Variants in TATDN2 observed in about 807,000 individuals in gnomAD.
The protein encoded by TATDN2 is 3'-5' RNA nuclease TATDN2.
Under a neutral mutation model 60.3 loss-of-function variants are expected in TATDN2, and 44 were observed. That is an observed-to-expected ratio of 0.73 (90% CI 0.57 to 0.94). The LOEUF (loss-of-function observed/expected upper bound fraction) is 0.94, where lower values mean the gene tolerates loss of function less well. Ranked by LOEUF, TATDN2 falls within the 40% of genes least tolerant of loss-of-function variation. The pLI is 0.00. For missense variants in TATDN2, 997 were observed against 948.0 expected (o/e 1.05, Z -0.68); for synonymous variants, 399 against 355.8 (o/e 1.12, Z -1.37).
chr3:10,273,526 G>A (rs1698595622), intron 4 of TATDN2, among the ~76,000 whole-genome samples: 1 of 152,064 alleles, frequency 6.6e-6, no homozygotes, highest in Non-Finnish European at 1.5e-5. Flanking sequence ...GGAGTCTGAG[G>A]CAGGAGATTG....
chr3:10,273,690 C>T (rs988760895), intron 4 of TATDN2, among the ~76,000 whole-genome samples: 1 of 151,722 alleles, frequency 6.6e-6, no homozygotes, highest in Middle Eastern at 3.4e-3. Context: ...GGTTGATGTA[C>T]CTAAAATTTT....
chr3:10,277,578 G>T (rs242729), intron 5 of TATDN2, among the ~76,000 whole-genome samples: 38,219 of 152,106 alleles, frequency 0.25, 5,115 homozygotes, highest in African/African-American at 0.32. Context: ...AGGAGGATGG[G>T]GCTGTCAGGG....
At chr3:10,249,753 C>A in intron 2 of TATDN2, 139 bp downstream of exon 2, 5 of 1,039,284 alleles carry the variant, frequency 4.8e-6, no homozygotes, top group Non-Finnish European at 6.4e-6. Flanking sequence ...AAGTCCACTC[C>A]CCCCAAACTC....
At chr3:10,264,876 A>G (rs1026669026) in intron 3 of TATDN2, among the ~76,000 whole-genome samples, 3 of 151,680 alleles carry the variant, frequency 2.0e-5, no homozygotes, top group Non-Finnish European at 4.4e-5. Flanking sequence ...ACGGGGTTTC[A>G]TTTTGGCCAG....
chr3:10,257,358 C>T (rs915531924), intron 2 of TATDN2, among the ~76,000 whole-genome samples: 13 of 147,874 alleles, frequency 8.8e-5, no homozygotes, highest in African/African-American at 2.2e-4. Flanking sequence ...AGGCTGAGCG[C>T]GGTGGCTCAC....
chr3:10,266,927 C>T (rs1698484450), intron 3 of TATDN2, among the ~76,000 whole-genome samples: 1 of 108,100 alleles, frequency 9.3e-6, no homozygotes, highest in Non-Finnish European at 2.0e-5. Context: ...CTAACTAAGG[C>T]AGTCTTTTTT....
rs868161177 is a variant in TATDN2, at chr3:10,270,048, G to A, written c.949-83G>A. 1.6e-5 allele frequency: 25 copies of A among 1,517,554 alleles called. No homozygotes were observed. The Middle Eastern group carries it at 2.2e-3, about 136-fold the overall frequency. 94.0% of individuals were successfully genotyped at this position (1,517,554 alleles called of 1,614,324 possible). On this transcript the variant is annotated intron_variant, in intron 3 of 7. Coordinates refer to ENST00000448281, the MANE Select transcript of TATDN2 (RefSeq NM_014760.4). Reference sequence around the variant, plus strand: ...ACCATGGCCAGAAGAACAAGCCAGGGTTTATGTTCAGCTGATGACAGCCTG... The same window carrying A: ...ACCATGGCCAGAAGAACAAGCCAGGATTTATGTTCAGCTGATGACAGCCTG...
chr3:10,257,606 A>AC (rs1698328293), intron 2 of TATDN2, among the ~76,000 whole-genome samples: 2 of 148,892 alleles, frequency 1.3e-5, no homozygotes, highest in African/African-American at 4.9e-5. Flanking sequence ...CCAAAAAAAA[A>AC]AAAAACAAAA....
Position 10,249,487 on chromosome 3 carries a change from C to T in TATDN2, c.287C>T (p.Ala96Val), listed in dbSNP as rs530905999. The change falls in exon 2 of 8, where the codon GCC becomes GTC. Residue 96 changes from alanine to valine, a missense_variant. Transcript: ENST00000448281. ...PHFLGPGVGG[A>V]ASKGCLIRNT... ...TTCTTGGGCCCTGGTGTGGGCGGGGCCGCCTCCAAAGGCTGCCTGATTCGG... is the reference window on the plus strand; with the variant it reads ...TTCTTGGGCCCTGGTGTGGGCGGGGTCGCCTCCAAAGGCTGCCTGATTCGG... 4 of 1,613,008 alleles carry T rather than the reference C, an allele frequency of 2.5e-6. No individual in the cohort carries two copies. In the African/African-American group the frequency reaches 5.3e-5, roughly 22 times the overall value.
intron 2 of TATDN2, among the ~76,000 whole-genome samples, chr3:10,254,782 T>C (rs1389894891): frequency 1.3e-5 from 2 of 152,124 alleles, no homozygotes; most frequent in Non-Finnish European, 2.9e-5. Flanking sequence ...AGATGCACAG[T>C]TCACCAAGCA....
chr3:10,276,510 C>T (rs373478397), intron 5 of TATDN2, 22 bp downstream of exon 5: 42 of 1,610,174 alleles, frequency 2.6e-5, no homozygotes, highest in Non-Finnish European at 3.1e-5. Context: ...GGAACTTCAG[C>T]GGGCAAATGA....
chr3:10,273,150 G>A (rs1698590605), intron 4 of TATDN2, among the ~76,000 whole-genome samples: 1 of 152,228 alleles, frequency 6.6e-6, no homozygotes, highest in Non-Finnish European at 1.5e-5. Flanking sequence ...ATGTCATTTG[G>A]CTTGGTGAGA....
At chr3:10,275,363 A>G (rs1162039970) in intron 4 of TATDN2, among the ~76,000 whole-genome samples, 1 of 152,222 alleles carries the variant, frequency 6.6e-6, no homozygotes, top group Non-Finnish European at 1.5e-5. Flanking sequence ...TAAATTAACA[A>G]TAGTGAAGAT....
rs767098265 is a variant in TATDN2, at chr3:10,278,959, A to G, written c.2220A>G (p.Lys740=). The change falls in exon 7 of 8, where the codon AAA becomes AAG. Residue 740 remains lysine, a synonymous_variant. Coordinates refer to ENST00000448281, the MANE Select transcript of TATDN2 (RefSeq NM_014760.4). This position sits in a 1 kb window ranked among gnomAD's most constrained non-coding sequence, Gnocchi z 4.7. ...CGGTCCGAGAGATTGCCAGAGTCAA[A>G]GATCAGCCACTCTCCCTCACCTTGG... The part of the protein sequence containing the change: ...LHTVREIARV[K]DQPLSLTLAA... 1.2e-6 allele frequency: 2 copies of G among 1,614,076 alleles called. No homozygotes were observed. Among genetic ancestry groups the G allele is most frequent in the South Asian group, 1.1e-5 (1 of 91,074 alleles).
In TATDN2 at chr3:10,280,820, G is replaced by C. The variant is rs35217039; in HGVS notation, c.*1638G>C. The C allele has an allele frequency of 3.2e-5, 5 of 153,884 alleles. No homozygotes were observed. The highest frequency in any genetic ancestry group is 1.2e-4 in the African/African-American group (5 of 41,426). 9.5% of individuals were successfully genotyped at this position (153,884 alleles called of 1,614,324 possible). A position where few individuals can be genotyped will look rare whatever the true frequency, so the allele number is the denominator to read the frequency against. ...TGCTTGGAAGACTTGGGGGACTGCC[G>C]AGCATATCAAAGTGTTTATAGTCAC... On this transcript the variant is annotated 3_prime_UTR_variant, in exon 8 of 8. Coordinates refer to ENST00000448281, the MANE Select transcript of TATDN2 (RefSeq NM_014760.4).
rs754168998 is a variant in TATDN2 at position 10,276,438 on chromosome 3, T to A, written c.1911T>A (p.Asp637Glu). Residue 637 changes from aspartate to glutamate, a missense_variant, in exon 5 of 8, where the codon GAT (aspartate) becomes GAA (glutamate). Physicochemically the swap from Asp to Glu is conservative, Grantham distance 45. Coordinates refer to ENST00000448281, the MANE Select transcript of TATDN2 (RefSeq NM_014760.4). Reference protein sequence around the residue: ...LVIHCREADEDLLEIMKKFVP... With the variant: ...LVIHCREADEELLEIMKKFVP... ...TCCACTGCCGAGAAGCTGATGAAGA[T>A]CTGCTAGAAATCATGAAAAAGTTTG... 44 of 1,613,946 alleles carry A rather than the reference T, an allele frequency of 2.7e-5. No homozygotes were observed. Among genetic ancestry groups the A allele is most frequent in the Non-Finnish European group, 3.6e-5 (43 of 1,179,994 alleles).
chr3:10,251,608 A>T (rs941262082), intron 2 of TATDN2, among the ~76,000 whole-genome samples: 1 of 151,214 alleles, frequency 6.6e-6, no homozygotes, highest in Non-Finnish European at 1.5e-5. Context: ...CTGGTCTCTA[A>T]CTCCTGACTG....
At chr3:10,263,314 A>C (rs974929687) in intron 3 of TATDN2, among the ~76,000 whole-genome samples, 1 of 152,026 alleles carries the variant, frequency 6.6e-6, no homozygotes, top group African/African-American at 2.4e-5. Context: ...TTCCCTTTCA[A>C]TCTAGAAACC....
At chr3:10,271,938 A>C (rs1374236383) in intron 4 of TATDN2, among the ~76,000 whole-genome samples, 8 of 151,570 alleles carry the variant, frequency 5.3e-5, no homozygotes, top group Non-Finnish European at 1.0e-4. Context: ...CATGTTTGTT[A>C]GACTAGTCTC....
Sources: gnomAD v4.1 joint callset for allele counts (sites outside exome capture counted in the v4.1 genomes callset) on GRCh38, gnomAD v4.1.1 for gene constraint, Gnocchi (gnomAD v3.1) non-coding constraint, MANE v1.5 for transcripts, NCBI Gene and HGNC (gene_info 2026-07-23, HGNC 2026-07-21) for gene names.